AUTS2: variants seen among roughly 807,000 people sequenced by gnomAD.
AUTS2 encodes the protein activator of transcription and developmental regulator AUTS2, also known as autism susceptibility gene 2 protein.
Under a neutral mutation model 112.4 loss-of-function variants are expected in AUTS2, and 17 were observed. The observed-to-expected ratio is 0.15, with a 90% CI of 0.10 to 0.23. The LOEUF (loss-of-function observed/expected upper bound fraction) is 0.23, where lower values mean the gene tolerates loss of function less well. Among genes scored for constraint, AUTS2 ranks in the 10% least tolerant of loss-of-function variants. The pLI is 1.00. For missense variants in AUTS2, 1,510 were observed against 1,701.6 expected, an observed-to-expected ratio of 0.89 and a Z score of 1.98; for synonymous variants, 751 against 702.7, an observed-to-expected ratio of 1.07 and a Z score of -1.09.
intron 2 of AUTS2, among the ~76,000 whole-genome samples, chr7:70,096,440 T>C (rs1359435183): frequency 1.3e-5 from 2 of 150,924 alleles, no homozygotes; most frequent in African/African-American, 4.9e-5. Flanking sequence ...CTACTAAAAA[T>C]ACAAAAAATT....
At chr7:70,463,872 C>A (rs1270592958) in intron 5 of AUTS2, among the ~76,000 whole-genome samples, 1 of 152,166 alleles carries the variant, frequency 6.6e-6, no homozygotes, top group Non-Finnish European at 1.5e-5. Context: ...TTAATTGGTT[C>A]TTTCACCTAA....
At chr7:70,156,847 A>G (rs985271295) in intron 4 of AUTS2, among the ~76,000 whole-genome samples, 10 of 140,066 alleles carry the variant, frequency 7.1e-5, no homozygotes, top group Middle Eastern at 3.5e-3. Context: ...CAGGAGTATG[A>G]GACCAGCCTG....
At chr7:69,701,628 C>T (rs1797812915) in intron 1 of AUTS2, among the ~76,000 whole-genome samples, 1 of 152,118 alleles carries the variant, frequency 6.6e-6, no homozygotes. Flanking sequence ...GGGAGCCATT[C>T]GTAAGTGAAA....
At chr7:70,237,027 C>T (rs1022699479) in intron 4 of AUTS2, among the ~76,000 whole-genome samples, 4 of 152,176 alleles carry the variant, frequency 2.6e-5, no homozygotes, top group South Asian at 2.1e-4. Flanking sequence ...GTGGAACAGA[C>T]TTTGCACACT....
chr7:70,542,071 C>T (rs541680852), intron 5 of AUTS2, among the ~76,000 whole-genome samples: 5 of 152,248 alleles, frequency 3.3e-5, no homozygotes, highest in African/African-American at 1.2e-4. Context: ...TTTGTCACAG[C>T]CACGTTTCTC....
intron 4 of AUTS2, among the ~76,000 whole-genome samples, chr7:70,337,043 G>T (rs749520973): frequency 6.6e-6 from 1 of 152,136 alleles, no homozygotes; most frequent in Non-Finnish European, 1.5e-5. Flanking sequence ...CAGCAGACAC[G>T]TACAGGGTGG....
At chr7:70,152,763 TTTAA>T (rs1807514236) in intron 4 of AUTS2, among the ~76,000 whole-genome samples, 1 of 152,156 alleles carries the variant, frequency 6.6e-6, no homozygotes, top group Admixed American at 6.5e-5. Flanking sequence ...GCTTTACATC[TTTAA>T]TTATTACATA....
intron 4 of AUTS2, among the ~76,000 whole-genome samples, chr7:70,282,206 A>T (rs1788250646): frequency 6.6e-6 from 1 of 152,130 alleles, no homozygotes; most frequent in Non-Finnish European, 1.5e-5. Context: ...CTTTTCTAGC[A>T]TGCACCTCAA....
intron 2 of AUTS2, among the ~76,000 whole-genome samples, chr7:69,973,927 C>T (rs1322879431): frequency 2.6e-5 from 4 of 152,002 alleles, no homozygotes. Flanking sequence ...GAGGATATTA[C>T]TGGCTCCATA....
intron 4 of AUTS2, among the ~76,000 whole-genome samples, chr7:70,259,225 T>C (rs1787038017): frequency 1.3e-5 from 2 of 152,142 alleles, no homozygotes; most frequent in African/African-American, 4.8e-5. Context: ...ACCAAATACC[T>C]TACTTCCTGA....
intron 6 of AUTS2, among the ~76,000 whole-genome samples, chr7:70,762,437 A>ATT (rs879642605): frequency 6.8e-6 from 1 of 146,114 alleles, no homozygotes; most frequent in African/African-American, 2.5e-5. Flanking sequence ...CACCTGGCTA[A>ATT]TTTTTTTTTT....
At chr7:70,592,846 T>G (rs975366942) in intron 5 of AUTS2, among the ~76,000 whole-genome samples, 1 of 151,852 alleles carries the variant, frequency 6.6e-6, no homozygotes, top group Non-Finnish European at 1.5e-5. Flanking sequence ...GGAATTTAGG[T>G]TTTGTTGTTT....
intron 5 of AUTS2, among the ~76,000 whole-genome samples, chr7:70,665,109 T>C (rs1017822827): frequency 6.6e-6 from 1 of 152,048 alleles, no homozygotes; most frequent in Non-Finnish European, 1.5e-5. Flanking sequence ...TATTCAACAA[T>C]TTTTGTCCTT....
chr7:70,505,682 T>C (rs1585229287), intron 5 of AUTS2, among the ~76,000 whole-genome samples: 1 of 152,120 alleles, frequency 6.6e-6, no homozygotes, highest in Non-Finnish European at 1.5e-5. Context: ...CCAGGCTAAG[T>C]CCAGCCGTTG....
At position 70,575,768 on chromosome 7, in the gene AUTS2, A is replaced by G. The variant is rs577112509; in HGVS notation, c.691-122801A>G. Among the ~76,000 whole-genome samples, 6 of 152,286 alleles carry G rather than the reference A, an allele frequency of 3.9e-5. No individual in the cohort carries two copies. The East Asian group carries it at 7.7e-4, about 20-fold the overall frequency. ...ACATCCTTATACCCATTAGGAGCAT[A>G]TCATAGGAACTTCAGAAATAACCTG... On this transcript the variant is annotated intron_variant, in intron 5 of 18. Coordinates refer to ENST00000342771, the MANE Select transcript of AUTS2 (RefSeq NM_015570.4).
At chr7:69,804,791 G>T (rs1390360997) in intron 1 of AUTS2, among the ~76,000 whole-genome samples, 1 of 152,192 alleles carries the variant, frequency 6.6e-6, no homozygotes, top group Non-Finnish European at 1.5e-5. Context: ...TTATCAAAGT[G>T]TGGTCTTCGA....
intron 5 of AUTS2, among the ~76,000 whole-genome samples, chr7:70,640,191 A>G (rs950974625): frequency 1.4e-4 from 21 of 152,108 alleles, no homozygotes; most frequent in African/African-American, 5.1e-4. Flanking sequence ...ACGGATGTGC[A>G]TGTCTCATGA....
At chr7:69,859,600 T>C (rs768014660) in intron 1 of AUTS2, among the ~76,000 whole-genome samples, 4 of 152,226 alleles carry the variant, frequency 2.6e-5, no homozygotes, top group Non-Finnish European at 5.9e-5. Context: ...GGATGTTTGC[T>C]TTGTAGATTT....
intron 6 of AUTS2, among the ~76,000 whole-genome samples, chr7:70,714,322 T>C (rs2129550360): frequency 6.6e-6 from 1 of 152,354 alleles, no homozygotes; most frequent in Admixed American, 6.5e-5. Context: ...TAGGGCGATG[T>C]CCACCTTTTT....
Sources: allele counts gnomAD v4.1 joint callset (sites outside exome capture counted in the v4.1 genomes callset), GRCh38; gene constraint gnomAD v4.1.1; transcripts MANE v1.5; gene names NCBI Gene and HGNC (gene_info 2026-07-23, HGNC 2026-07-21).